The following PARP1 variants were observed in gnomAD, a reference collection of about 807,000 sequenced individuals.
The protein encoded by PARP1 is poly(ADP-ribose) polymerase 1.
Under a neutral mutation model 118.7 loss-of-function variants are expected in PARP1, and 44 were observed. The observed-to-expected ratio is 0.37, with a 90% CI of 0.29 to 0.48. PARP1 has a LOEUF of 0.48. Ranked by LOEUF, PARP1 falls within the 20% of genes least tolerant of loss-of-function variation. PARP1 has a pLI of 0.99. For synonymous variants in PARP1, 492 were observed against 483.2 expected (o/e 1.02, Z -0.24); for missense variants, 1,100 against 1,272.4 (o/e 0.86, Z 2.06).
intron 13 of PARP1, among the ~76,000 whole-genome samples, chr1:226,376,181 T>C (rs3219095): frequency 0.13 from 20,118 of 152,148 alleles, 1,459 homozygotes; most frequent in Middle Eastern, 0.23. Context: ...GCCTCAAAGA[T>C]TTAGAATTAA....
chr1:226,392,128 T>C, intron 3 of PARP1, 71 bp downstream of exon 3: 1 of 1,043,630 alleles, frequency 9.6e-7, no homozygotes, highest in Non-Finnish European at 1.5e-6. Context: ...TCTTCTTTTC[T>C]CTTGAGATAG....
intron 2 of PARP1, among the ~76,000 whole-genome samples, chr1:226,400,086 GA>G (rs1285120666): frequency 6.6e-6 from 1 of 152,166 alleles, no homozygotes; most frequent in Non-Finnish European, 1.5e-5. Context: ...CCAAAATACA[GA>G]GATTTTGTGC....
intron 13 of PARP1, among the ~76,000 whole-genome samples, chr1:226,374,803 T>TA (rs1664456966): frequency 6.6e-6 from 1 of 152,208 alleles, no homozygotes; most frequent in Non-Finnish European, 1.5e-5. Flanking sequence ...GTTGCAAGAC[T>TA]AAGTTTATAT....
chr1:226,367,734 T>C, intron 16 of PARP1, 126 bp from the exon 17 acceptor site: 3 of 1,077,908 alleles, frequency 2.8e-6, no homozygotes, highest in Non-Finnish European at 4.2e-6. Flanking sequence ...CTCCTGCTGG[T>C]CAGGGCCAGC....
chr1:226,379,046 G>T, intron 12 of PARP1, 96 bp downstream of exon 12: 1 of 1,432,498 alleles, frequency 7.0e-7, no homozygotes, highest in Non-Finnish European at 9.8e-7. Context: ...CCCAGGCACT[G>T]GGCCTAACGG....
chr1:226,398,413 C>G (rs144816137), intron 2 of PARP1, among the ~76,000 whole-genome samples: 1 of 151,658 alleles, frequency 6.6e-6, no homozygotes, highest in Admixed American at 6.6e-5. Context: ...CATGGTGGTG[C>G]GCACCTGTAG....
intron 2 of PARP1, among the ~76,000 whole-genome samples, chr1:226,401,078 C>G (rs1244693361): frequency 6.6e-6 from 1 of 152,206 alleles, no homozygotes; most frequent in Non-Finnish European, 1.5e-5. Context: ...CTGACGTGAC[C>G]TGTACTAAGA....
At position 226,366,072 on chromosome 1, in the gene PARP1, G is replaced by A; in HGVS notation, c.2407-20C>T. 2 of 1,553,436 alleles carry A rather than the reference G, an allele frequency of 1.3e-6. No homozygotes were observed. The highest frequency in any genetic ancestry group is 3.3e-5 in the Admixed American group (2 of 59,922). On this transcript the variant is annotated intron_variant, in intron 17 of 22. Coordinates refer to ENST00000366794, the MANE Select transcript of PARP1 (RefSeq NM_001618.4). ...AACCACCTGGATAAACAGAATCTTG[G>A]GATTAGCACAAAAGAGACCCAGGAG...
intron 7 of PARP1, among the ~76,000 whole-genome samples, chr1:226,385,125 C>T (rs1664690828): frequency 6.6e-6 from 1 of 152,184 alleles, no homozygotes; most frequent in Non-Finnish European, 1.5e-5. Context: ...CCTGCTAGCA[C>T]TAAGGCAAGG....
chr1:226,395,902 C>T (rs561336077), intron 2 of PARP1, among the ~76,000 whole-genome samples: 2 of 152,176 alleles, frequency 1.3e-5, no homozygotes, highest in South Asian at 2.1e-4. Context: ...GAAGCAACAG[C>T]GGTCATGAGG....
rs562950381 is a variant in PARP1, at chr1:226,386,854, G to A, written c.718-412C>T. ...ACCAATCTTAGAGTAGGAATGATTC[G>A]CAAACACCAATTTCCTTGATGGTAT... is the stretch of plus-strand genomic sequence containing the variant. On this transcript the variant is annotated intron_variant, in intron 5 of 22. Coordinates refer to ENST00000366794, the MANE Select transcript of PARP1 (RefSeq NM_001618.4). Among the ~76,000 whole-genome samples the A allele has an allele frequency of 2.6e-5, 4 of 152,268 alleles. No homozygotes were observed. The South Asian group carries it at 6.2e-4, about 24-fold the overall frequency.
chr1:226,393,835 G>C (rs1355914020), intron 2 of PARP1, among the ~76,000 whole-genome samples: 1 of 152,218 alleles, frequency 6.6e-6, no homozygotes, highest in African/African-American at 2.4e-5. Context: ...ATCTGTGCAT[G>C]TAACTATGTA....
In PARP1 at chr1:226,394,312, G is replaced by A. The variant is rs192653092; in HGVS notation, c.287-1998C>T. 1.5e-4 allele frequency among the ~76,000 whole-genome samples: 23 copies of A among 152,308 alleles called. No individual in the cohort carries two copies. The South Asian group carries it at 2.3e-3, about 15-fold the overall frequency. On this transcript the variant is annotated intron_variant, in intron 2 of 22. Coordinates refer to ENST00000366794, the MANE Select transcript of PARP1 (RefSeq NM_001618.4). ...TTCAAGGCTACAGTGAGCTAGGATC[G>A]TGCAACTCCACTCTAGCCTTGGGTG...
chr1:226,397,153 TAAAA>T (rs3046773), intron 2 of PARP1, among the ~76,000 whole-genome samples: 5 of 126,166 alleles, frequency 4.0e-5, no homozygotes, highest in African/African-American at 5.9e-5. Flanking sequence ...GTCTCTATCT[TAAAA>T]AAAAAAAAAA....
Position 226,361,341 on chromosome 1 carries a change from GAGGTGGTTTAGTAC to G in PARP1, c.*105_*118del. ...AACACGTTTCTGTAAAATCCTTTCT[GAGGTGGTTTAGTAC>G]AGGTACTACCCATCAGCAACTTAGC... On this transcript the variant is annotated 3_prime_UTR_variant, in exon 23 of 23. Transcript: ENST00000366794. The G allele has an allele frequency of 1.4e-6, 1 of 723,732 alleles. No individual in the cohort carries two copies. Among genetic ancestry groups the G allele is most frequent in the Admixed American group, 2.0e-5 (1 of 50,180 alleles). 44.8% of individuals were successfully genotyped at this position (723,732 alleles called of 1,614,324 possible).
chr1:226,364,119 G>A (rs1664205482), intron 19 of PARP1, 49 bp from the exon 20 acceptor site: 2 of 1,605,616 alleles, frequency 1.2e-6, no homozygotes, highest in African/African-American at 2.7e-5. Context: ...TGGGAAATTA[G>A]GAGCAGCTGT....
At chr1:226,406,759 G>T (rs1665156306) in intron 1 of PARP1, among the ~76,000 whole-genome samples, 1 of 152,220 alleles carries the variant, frequency 6.6e-6, no homozygotes, top group Non-Finnish European at 1.5e-5. Context: ...AGGACACCAA[G>T]ATGACAGGCA....
At chr1:226,367,981 C>T (rs1664305217) in intron 16 of PARP1, among the ~76,000 whole-genome samples, 1 of 152,152 alleles carries the variant, frequency 6.6e-6, no homozygotes, top group South Asian at 2.1e-4. Flanking sequence ...CTGTCCCTCT[C>T]CAACAGCTCT....
Position 226,383,115 on chromosome 1 carries a change from T to G in PARP1, c.1080A>C (p.Glu360Asp). 1 of 1,613,264 alleles carries G rather than the reference T, an allele frequency of 6.2e-7. No homozygotes were observed. The highest frequency in any genetic ancestry group is 1.3e-5 in the African/African-American group (1 of 75,038). ...VKKQDRIFPP[E>D]TSASVAATPP... Reference sequence around the variant, plus strand: ...GCGTGGCCGCCACGGAGGCGCTGGTTTCTGGGGGGAATATACGGTCCTGTT... The same window carrying G: ...GCGTGGCCGCCACGGAGGCGCTGGTGTCTGGGGGGAATATACGGTCCTGTT... Residue 360 changes from glutamate (E) to aspartate (D), a missense_variant, in exon 8 of 23, where the codon GAA becomes GAC. Glu to Asp is a conservative substitution (Grantham distance 45, BLOSUM62 2). Transcript: ENST00000366794.
Sources: allele counts gnomAD v4.1 joint callset (sites outside exome capture counted in the v4.1 genomes callset), GRCh38; gene constraint gnomAD v4.1.1; transcripts MANE v1.5; gene names NCBI Gene and HGNC (gene_info 2026-07-23, HGNC 2026-07-21).